Variants in CALN1 observed in about 807,000 individuals in gnomAD.
CALN1 encodes the protein calneuron 1, also known as calcium-binding protein 8.
A neutral mutation model predicts 30.6 loss-of-function variants in CALN1; 17 were observed. The observed-to-expected ratio is 0.56, with a 90% CI of 0.38 to 0.83. The LOEUF (loss-of-function observed/expected upper bound fraction) is 0.83. Ranked by LOEUF, CALN1 falls within the 40% of genes least tolerant of loss-of-function variation. The probability of loss-of-function intolerance (pLI) is 0.00; values close to 1 mark genes in which losing one functional copy is unlikely to be tolerated. For missense variants in CALN1, 291 were observed against 354.9 expected, an observed-to-expected ratio of 0.82 and a Z score of 1.45; for synonymous variants, 156 against 131.4, an observed-to-expected ratio of 1.19 and a Z score of -1.28.
chr7:72,185,451 C>A (rs1474380078), intron 3 of CALN1, among the ~76,000 whole-genome samples: 1 of 152,172 alleles, frequency 6.6e-6, no homozygotes, highest in Non-Finnish European at 1.5e-5. Context: ...CAGAGGAAGG[C>A]ACAGAACTTC....
At chr7:71,939,249 C>G (rs1292278782) in intron 5 of CALN1, among the ~76,000 whole-genome samples, 1 of 151,974 alleles carries the variant, frequency 6.6e-6, no homozygotes. Flanking sequence ...TGACCACAGT[C>G]TCAATACACT....
chr7:72,264,184 G>T lies in CALN1; in HGVS notation c.244+14502C>A, dbSNP rs931605215. ...AGCCCATTTTAGCCAGCATGTGAAG[G>T]AAGTCCCTCTGCTCTAACCTTTACA... is the stretch of plus-strand genomic sequence containing the variant. On this transcript the variant is annotated intron_variant, in intron 3 of 6. Coordinates refer to ENST00000395275, the MANE Select transcript of CALN1 (RefSeq NM_031468.4). 3.3e-5 allele frequency among the ~76,000 whole-genome samples: 5 copies of T among 152,136 alleles called. No individual in the cohort carries two copies. The East Asian group carries it at 7.7e-4, about 23-fold the overall frequency.
chr7:71,860,850 G>A (rs1408594827), intron 5 of CALN1, among the ~76,000 whole-genome samples: 1 of 152,096 alleles, frequency 6.6e-6, no homozygotes, highest in East Asian at 1.9e-4. Flanking sequence ...TCCTCCCTGG[G>A]TGGTGCTACT....
intron 2 of CALN1, among the ~76,000 whole-genome samples, chr7:72,284,513 G>A (rs201243983): frequency 8.6e-6 from 1 of 115,712 alleles, no homozygotes; most frequent in Non-Finnish European, 2.1e-5. Context: ...CTCCTCCCCA[G>A]TGTGGGTGGG....
intron 5 of CALN1, among the ~76,000 whole-genome samples, chr7:71,905,985 C>T (rs1250458288): frequency 6.6e-6 from 1 of 151,948 alleles, no homozygotes; most frequent in Admixed American, 6.6e-5. Flanking sequence ...AGGAACTTGC[C>T]AAACACTTAT....
intron 5 of CALN1, among the ~76,000 whole-genome samples, chr7:71,941,868 T>G (rs1211314934): frequency 1.3e-5 from 2 of 152,074 alleles, no homozygotes; most frequent in African/African-American, 4.8e-5. Context: ...GATTAGGGAT[T>G]GGGAGACATT....
intron 2 of CALN1, among the ~76,000 whole-genome samples, chr7:72,286,269 C>A (rs747743872): frequency 6.6e-6 from 1 of 152,280 alleles, no homozygotes; most frequent in African/African-American, 2.4e-5. Context: ...GGTCAAATCC[C>A]ACCACCATCT....
chr7:72,196,316 G>T (rs1385341819), intron 3 of CALN1, among the ~76,000 whole-genome samples: 2 of 151,968 alleles, frequency 1.3e-5, no homozygotes, highest in Admixed American at 6.6e-5. Context: ...ATGCGGTTTC[G>T]CCATGTTGCC....
chr7:72,288,855 G>A (rs1288600148), intron 2 of CALN1, among the ~76,000 whole-genome samples: 2 of 152,096 alleles, frequency 1.3e-5, no homozygotes, highest in Non-Finnish European at 2.9e-5. Flanking sequence ...AAATTAGTCA[G>A]AATTATTGTT....
At chr7:72,415,525 A>AT (rs1233853125), upstream of CALN1, among the ~76,000 whole-genome samples, 1 of 152,252 alleles carries the variant, frequency 6.6e-6, no homozygotes, top group Non-Finnish European at 1.5e-5. Context: ...AAATCAGCTG[A>AT]TTTTTTAAAT....
At chr7:72,277,095 G>A (rs9638646) in intron 3 of CALN1, among the ~76,000 whole-genome samples, 14,309 of 147,132 alleles carry the variant, frequency 0.097, 1,252 homozygotes, top group East Asian at 0.43. Flanking sequence ...ATAGCAGCCT[G>A]AACAGACCAA....
chr7:72,393,113 G>C (rs1805683014), intron 2 of CALN1, among the ~76,000 whole-genome samples: 1 of 151,806 alleles, frequency 6.6e-6, no homozygotes, highest in African/African-American at 2.4e-5. Context: ...CAGGGTCATA[G>C]CCCAAAGCAG....
intron 3 of CALN1, among the ~76,000 whole-genome samples, chr7:72,219,709 C>T (rs984676580): frequency 1.3e-4 from 19 of 151,722 alleles, no homozygotes; most frequent in Admixed American, 2.6e-4. Flanking sequence ...TGCACACACA[C>T]GCACGTGCAC....
intron 2 of CALN1, among the ~76,000 whole-genome samples, chr7:72,377,248 T>C (rs1804615373): frequency 6.6e-6 from 1 of 152,236 alleles, no homozygotes; most frequent in Non-Finnish European, 1.5e-5. Context: ...GGAGTTGCAT[T>C]GAGTCTGCAG....
At chr7:72,320,861 T>TCACA (rs1317145856) in intron 2 of CALN1, among the ~76,000 whole-genome samples, 1 of 133,210 alleles carries the variant, frequency 7.5e-6, no homozygotes, top group Non-Finnish European at 1.6e-5. Flanking sequence ...AAAAAAAGAA[T>TCACA]CACAGAGGCA....
chr7:71,820,303 C>A (rs971430706), intron 5 of CALN1, among the ~76,000 whole-genome samples: 2 of 152,162 alleles, frequency 1.3e-5, no homozygotes, highest in African/African-American at 4.8e-5. Context: ...CTCCAGTTGT[C>A]CAGCCTTTTT....
intron 3 of CALN1, among the ~76,000 whole-genome samples, chr7:72,136,487 T>C (rs1223056572): frequency 6.6e-6 from 1 of 152,236 alleles, no homozygotes. Context: ...TATCCAGACC[T>C]CTAAAACTTT....
chr7:71,982,459 C>A (rs957182995), intron 5 of CALN1, among the ~76,000 whole-genome samples: 3 of 151,982 alleles, frequency 2.0e-5, no homozygotes, highest in African/African-American at 7.2e-5. Context: ...CTGGGCATGG[C>A]AGTAGGTGCC....
At chr7:72,024,377 A>C (rs949194186) in intron 4 of CALN1, among the ~76,000 whole-genome samples, 1 of 152,076 alleles carries the variant, frequency 6.6e-6, no homozygotes, top group Admixed American at 6.6e-5. Context: ...AAATCTCATC[A>C]TGCTTTCTAT....
Sources: allele counts gnomAD v4.1 joint callset (sites outside exome capture counted in the v4.1 genomes callset), GRCh38; gene constraint gnomAD v4.1.1; transcripts MANE v1.5; gene names NCBI Gene and HGNC (gene_info 2026-07-23, HGNC 2026-07-21).